FUT9: variants seen among roughly 807,000 people sequenced by gnomAD.
The protein encoded by FUT9 is fucosyltransferase 9.
In FUT9, 15 loss-of-function variants were observed where a neutral mutation model predicts 29.7. That is an observed-to-expected ratio of 0.51 (90% confidence interval 0.34 to 0.78). The LOEUF is 0.78. Among genes scored for constraint, FUT9 ranks in the 30% least tolerant of loss-of-function variants. FUT9 has a pLI of 0.01. For synonymous variants in FUT9, 169 were observed against 153.7 expected, an observed-to-expected ratio of 1.10 and a Z score of -0.74; for missense variants, 319 against 425.4, an observed-to-expected ratio of 0.75 and a Z score of 2.20.
At chr6:96,070,541 G>T (rs1335781579) in intron 1 of FUT9, among the ~76,000 whole-genome samples, 1 of 152,028 alleles carries the variant, frequency 6.6e-6, no homozygotes, top group African/African-American at 2.4e-5. Context: ...CAAAAAGTTA[G>T]CTGGGCATGG....
At position 96,188,508 on chromosome 6, in the gene FUT9, A is replaced by G. The variant is rs541853348; in HGVS notation, c.-8-14640A>G. Among the ~76,000 whole-genome samples, 11 of 152,216 alleles carry G rather than the reference A, an allele frequency of 7.2e-5. No homozygotes were observed. In the East Asian group the frequency reaches 1.9e-3, roughly 27 times the overall value. ...AATACGTGTGACCTGAGGCAGAAAG[A>G]TGTACACCAGTTTCCTCATCTGGAA... On this transcript the variant is annotated intron_variant, in intron 2 of 2. Transcript: ENST00000302103.
In FUT9 at chr6:96,205,417, G is replaced by A. The variant is rs539264774; in HGVS notation, c.*1182G>A. ...AAATGATTGTTTCAAGGAAGTGACA[G>A]TTCTACTTTAGAAGTACTAATTGGA... On this transcript the variant is annotated 3_prime_UTR_variant, in exon 3 of 3. Transcript: ENST00000302103. 1.2e-5 allele frequency: 2 copies of A among 167,144 alleles called. No homozygotes were observed. Among genetic ancestry groups the A allele is most frequent in the South Asian group, 4.1e-4 (2 of 4,824 alleles). 10.4% of individuals were successfully genotyped at this position (167,144 alleles called of 1,614,324 possible). A position where few individuals can be genotyped will look rare whatever the true frequency, so the allele number is the denominator to read the frequency against.
intron 1 of FUT9, among the ~76,000 whole-genome samples, chr6:96,068,123 A>G (rs1022151118): frequency 2.0e-5 from 3 of 152,210 alleles, no homozygotes; most frequent in Non-Finnish European, 2.9e-5. Flanking sequence ...CATTTTAGTC[A>G]TCCAGATAGA....
chr6:96,088,936 T>C (rs1354714401), intron 1 of FUT9, among the ~76,000 whole-genome samples: 1 of 152,208 alleles, frequency 6.6e-6, no homozygotes, highest in Non-Finnish European at 1.5e-5. Context: ...CTAAGTTACT[T>C]ATAAACAGCT....
chr6:96,104,082 C>A (rs1000838640), intron 1 of FUT9, among the ~76,000 whole-genome samples: 1 of 152,164 alleles, frequency 6.6e-6, no homozygotes, highest in South Asian at 2.1e-4. Flanking sequence ...ATAACACTGC[C>A]TTTCTAAAGA....
Position 96,091,567 on chromosome 6 carries a change from T to C in FUT9, c.-97-22472T>C, listed in dbSNP as rs1425083271. Reference sequence around the variant, plus strand: ...GTATGACAATGGTATTGCAGTCAGGTAGAGGAATGCCCTTTTTCTAAGAAC... The same window carrying C: ...GTATGACAATGGTATTGCAGTCAGGCAGAGGAATGCCCTTTTTCTAAGAAC... On this transcript the variant is annotated intron_variant, in intron 1 of 2. Transcript: ENST00000302103. Among the ~76,000 whole-genome samples the C allele has an allele frequency of 4.6e-5, 7 of 152,182 alleles. No individual in the cohort carries two copies. The East Asian group carries it at 1.4e-3, about 29-fold the overall frequency.
intron 1 of FUT9, among the ~76,000 whole-genome samples, chr6:96,092,420 C>A (rs1201423508): frequency 6.6e-6 from 1 of 152,040 alleles, no homozygotes; most frequent in Non-Finnish European, 1.5e-5. Flanking sequence ...AGAGTATATT[C>A]CCTAAATAAA....
At chr6:96,089,197 C>G (rs897174855) in intron 1 of FUT9, among the ~76,000 whole-genome samples, 1 of 152,198 alleles carries the variant, frequency 6.6e-6, no homozygotes, top group African/African-American at 2.4e-5. Flanking sequence ...TTTTCATACA[C>G]ACATTTGCTG....
rs1009267104 is a variant in FUT9 at position 96,209,429 on chromosome 6, T to C, written c.*5194T>C. 1 of 166,944 alleles carries C rather than the reference T, an allele frequency of 6.0e-6. No individual in the cohort carries two copies. Among genetic ancestry groups the C allele is most frequent in the Non-Finnish European group, 1.5e-5 (1 of 68,062 alleles). The allele number at this position is 166,944 out of a possible 1,614,324, so 10.3% of individuals were successfully genotyped here. Reference sequence around the variant, plus strand: ...TCCCTCCCCTTAGTTGTCTATGACTTTTGAACTCACTGCTCACTGACATCT... The same window carrying C: ...TCCCTCCCCTTAGTTGTCTATGACTCTTGAACTCACTGCTCACTGACATCT... On this transcript the variant is annotated 3_prime_UTR_variant, in exon 3 of 3. Transcript: ENST00000302103.
intron 1 of FUT9, among the ~76,000 whole-genome samples, chr6:96,112,099 C>T (rs1771819821): frequency 6.6e-6 from 1 of 152,062 alleles, no homozygotes; most frequent in African/African-American, 2.4e-5. Context: ...AAACAACATC[C>T]GGAAGCCATG....
Position 96,039,719 on chromosome 6 carries a change from C to A in FUT9, c.-98+23507C>A, listed in dbSNP as rs541243969. Among the ~76,000 whole-genome samples the A allele has an allele frequency of 1.8e-4, 28 of 152,254 alleles. 1 individual carries two copies. In the South Asian group the frequency reaches 5.6e-3, roughly 30 times the overall value. ...TGTTGCTTATTATCTATCTTCTCTG[C>A]TAGCAGTAAGATAGCAGAGGACAGA... is the stretch of plus-strand genomic sequence containing the variant. On this transcript the variant is annotated intron_variant, in intron 1 of 2. Transcript: ENST00000302103.
At chr6:96,035,528 G>A (rs1021096384) in intron 1 of FUT9, among the ~76,000 whole-genome samples, 2 of 148,808 alleles carry the variant, frequency 1.3e-5, no homozygotes, top group African/African-American at 4.9e-5. Flanking sequence ...ATTTTTAAGA[G>A]GTAAGTTTGG....
In FUT9 at chr6:96,159,116, C is replaced by A. The variant is rs528348320; in HGVS notation, c.-8-44032C>A. Among the ~76,000 whole-genome samples the A allele has an allele frequency of 5.4e-3, 823 of 152,130 alleles. 13 individuals carry two copies. The highest frequency in any genetic ancestry group is 0.019 in the African/African-American group (790 of 41,512). ...GACTGGATAATATAATTGATATTTA[C>A]AAGTAAAATTTTAGAGTTAGAGAAA... is the stretch of plus-strand genomic sequence containing the variant. On this transcript the variant is annotated intron_variant, in intron 2 of 2. Coordinates refer to ENST00000302103, the MANE Select transcript of FUT9 (RefSeq NM_006581.4).
At chr6:96,163,627 A>G (rs2127980736) in intron 2 of FUT9, among the ~76,000 whole-genome samples, 1 of 149,172 alleles carries the variant, frequency 6.7e-6, no homozygotes, top group Non-Finnish European at 1.5e-5. Flanking sequence ...AGTTCTGACC[A>G]TGAAGCATCT....
rs1774014554 is a variant in FUT9, at chr6:96,215,184, C to T, written c.*10949C>T. The T allele has an allele frequency of 6.0e-6, 1 of 166,908 alleles. No individual in the cohort carries two copies. Among genetic ancestry groups the T allele is most frequent in the African/African-American group, 2.4e-5 (1 of 41,398 alleles). 10.3% of individuals were successfully genotyped at this position (166,908 alleles called of 1,614,324 possible). A position where few individuals can be genotyped will look rare whatever the true frequency, so the allele number is the denominator to read the frequency against. On this transcript the variant is annotated 3_prime_UTR_variant, in exon 3 of 3. Transcript: ENST00000302103. ...TAATAAGCCATGAAAGGCAAGATGC[C>T]AGAGAAAATCTGTATATTCAGCTAT... is the stretch of plus-strand genomic sequence containing the variant.
chr6:96,084,891 G>C (rs372472369), intron 1 of FUT9, among the ~76,000 whole-genome samples: 3 of 151,834 alleles, frequency 2.0e-5, no homozygotes, highest in Non-Finnish European at 4.4e-5. Flanking sequence ...ACTATGTTTC[G>C]TGTGTGTCTA....
At chr6:96,178,003 A>T (rs532062825) in intron 2 of FUT9, among the ~76,000 whole-genome samples, 1 of 152,264 alleles carries the variant, frequency 6.6e-6, no homozygotes, top group African/African-American at 2.4e-5. Flanking sequence ...AGGAACTCCC[A>T]TTCTTAAAAG....
At chr6:96,045,402 T>C (rs139514246) in intron 1 of FUT9, among the ~76,000 whole-genome samples, 238 of 152,322 alleles carry the variant, frequency 1.6e-3, no homozygotes, top group Middle Eastern at 6.8e-3. Flanking sequence ...CCCAGCTAGA[T>C]TTTGTTTTAT....
At chr6:96,024,684 T>A (rs1045459386) in intron 1 of FUT9, among the ~76,000 whole-genome samples, 3 of 151,780 alleles carry the variant, frequency 2.0e-5, no homozygotes, top group African/African-American at 7.3e-5. Flanking sequence ...TCTTAAGTTC[T>A]CCCAGTTTCA....
Sources: gnomAD v4.1 joint callset for allele counts (sites outside exome capture counted in the v4.1 genomes callset) on GRCh38, gnomAD v4.1.1 for gene constraint, MANE v1.5 for transcripts, NCBI Gene and HGNC (gene_info 2026-07-23, HGNC 2026-07-21) for gene names.